Variants in VEPH1 observed in about 807,000 individuals in gnomAD.
The protein encoded by VEPH1 is ventricular zone expressed PH domain containing 1, also known as ventricular zone-expressed PH domain-containing protein homolog 1.
A neutral mutation model predicts 85.2 loss-of-function variants in VEPH1; 80 were observed. That is an observed-to-expected ratio of 0.94 (90% confidence interval 0.78 to 1.13). The LOEUF (loss-of-function observed/expected upper bound fraction) is 1.13, where lower values mean the gene tolerates loss of function less well. VEPH1 is among the 50% of genes most tolerant of loss of function. The pLI, the probability that VEPH1 is intolerant of heterozygous loss-of-function variation, is 0.00. For missense variants in VEPH1, 955 were observed against 980.5 expected (o/e 0.97, Z 0.35); for synonymous variants, 297 against 348.0 (o/e 0.85, Z 1.63).
At chr3:157,422,976 G>A (rs67121580) in intron 5 of VEPH1, among the ~76,000 whole-genome samples, 16,730 of 152,144 alleles carry the variant, frequency 0.11, 1,065 homozygotes, top group South Asian at 0.27. Context: ...CAAGGTCAAT[G>A]CCTGTCTCTT....
In VEPH1 at chr3:157,460,325, C is replaced by A. The variant is rs550229592; in HGVS notation, c.385G>T (p.Ala129Ser). The change falls in exon 4 of 14, where the codon GCC (alanine) becomes TCC (serine). Residue 129 changes from alanine to serine, a missense_variant. Coordinates refer to ENST00000362010, the MANE Select transcript of VEPH1 (RefSeq NM_001167912.2). ...AGGAATTTCACTGCAATGGGGATGGCTAATGCCATCACTGGGGGTCGGTTG... is the reference window on the plus strand; with the variant it reads ...AGGAATTTCACTGCAATGGGGATGGATAATGCCATCACTGGGGGTCGGTTG... ...NYNRPPVMALAIPIAVKFLHR... is the reference protein window; with the variant it reads ...NYNRPPVMALSIPIAVKFLHR... The A allele has an allele frequency of 1.2e-6, 2 of 1,613,494 alleles. No individual in the cohort carries two copies. Among genetic ancestry groups the A allele is most frequent in the African/African-American group, 1.3e-5 (1 of 75,022 alleles).
At chr3:157,377,851 C>T (rs765286325) in intron 7 of VEPH1, among the ~76,000 whole-genome samples, 5 of 152,110 alleles carry the variant, frequency 3.3e-5, no homozygotes, top group African/African-American at 4.8e-5. Context: ...CTAATACAGG[C>T]CTACTTATTA....
At chr3:157,407,796 C>T (rs1300162931) in intron 6 of VEPH1, among the ~76,000 whole-genome samples, 1 of 152,164 alleles carries the variant, frequency 6.6e-6, no homozygotes, top group Non-Finnish European at 1.5e-5. Flanking sequence ...AAAGTGCTGG[C>T]ATTTATCAAA....
chr3:157,467,111 G>C (rs1480866443), intron 3 of VEPH1, among the ~76,000 whole-genome samples: 1 of 127,886 alleles, frequency 7.8e-6, no homozygotes. Flanking sequence ...AAAAAGAAAA[G>C]TGTGTGTGTG....
intron 4 of VEPH1, chr3:157,437,808 A>G (rs539420341): frequency 1.4e-6 from 2 of 1,461,960 alleles, no homozygotes; most frequent in Admixed American, 2.8e-5. Flanking sequence ...CGCAGCGCCC[A>G]GAGGAGGCGG....
At chr3:157,351,849 C>A (rs1038811706) in intron 9 of VEPH1, among the ~76,000 whole-genome samples, 1 of 152,168 alleles carries the variant, frequency 6.6e-6, no homozygotes, top group African/African-American at 2.4e-5. Context: ...GCGGGCTGAC[C>A]TGCGCATTGT....
At chr3:157,478,881 A>G (rs1480512144) in intron 2 of VEPH1, among the ~76,000 whole-genome samples, 4 of 152,198 alleles carry the variant, frequency 2.6e-5, no homozygotes, top group African/African-American at 7.2e-5. Flanking sequence ...GCACTTTACT[A>G]CAAAGAGATT....
At chr3:157,410,666 C>A (rs543337556) in intron 6 of VEPH1, among the ~76,000 whole-genome samples, 1 of 152,202 alleles carries the variant, frequency 6.6e-6, no homozygotes, top group South Asian at 2.1e-4. Context: ...AACTTTCTTA[C>A]AGTAATATTT....
At chr3:157,495,082 G>T in intron 2 of VEPH1, 130 bp downstream of exon 2, 1 of 958,434 alleles carries the variant, frequency 1.0e-6, no homozygotes, top group Non-Finnish European at 1.5e-6. Flanking sequence ...CCACAGAGCA[G>T]ATTAAGAGAG....
chr3:157,331,767 A>G (rs371931998), intron 9 of VEPH1, among the ~76,000 whole-genome samples: 1 of 152,356 alleles, frequency 6.6e-6, no homozygotes, highest in East Asian at 1.9e-4. Flanking sequence ...TTGAATAACA[A>G]TGGTCTGTTC....
chr3:157,318,834 C>G (rs1191849803), intron 9 of VEPH1, among the ~76,000 whole-genome samples: 2 of 151,472 alleles, frequency 1.3e-5, no homozygotes, highest in African/African-American at 4.9e-5. Flanking sequence ...ATCCCTGAGC[C>G]CAGGAGTTCA....
intron 9 of VEPH1, among the ~76,000 whole-genome samples, chr3:157,359,874 G>A (rs754466874): frequency 5.9e-5 from 9 of 152,270 alleles, no homozygotes; most frequent in South Asian, 4.1e-4. Flanking sequence ...TGTTCCTAGC[G>A]TATGGACTTT....
intron 2 of VEPH1, among the ~76,000 whole-genome samples, chr3:157,478,071 T>C (rs1737658005): frequency 6.6e-6 from 1 of 152,128 alleles, no homozygotes; most frequent in African/African-American, 2.4e-5. Context: ...CTCTCAGCTG[T>C]TGGTTTGTAG....
rs1726386893 is a variant in VEPH1 at position 157,364,296 on chromosome 3, G to A, written c.1337+7C>T. 10 of 1,597,554 alleles carry A rather than the reference G, an allele frequency of 6.3e-6. No individual in the cohort carries two copies. The highest frequency in any genetic ancestry group is 5.4e-5 in the African/African-American group (4 of 74,440). ...ATGATTTAAAAAACAAACCAAACGA[G>A]TTATACCTGTTAAATCTAATGTTTT... On this transcript the variant is annotated splice_region_variant and intron_variant, in intron 8 of 13. Transcript: ENST00000362010.
Position 157,261,033 on chromosome 3 carries a change from A to G in VEPH1, c.*101T>C. 1 of 1,501,588 alleles carries G rather than the reference A, an allele frequency of 6.7e-7. No homozygotes were observed. Among genetic ancestry groups the G allele is most frequent in the Admixed American group, 2.0e-5 (1 of 48,918 alleles). The allele number at this position is 1,501,588 out of a possible 1,614,324, so 93.0% of individuals were successfully genotyped here. ...GACAACAATTCCATTGGTATTTAGT[A>G]AAAAACAACATGGCTTGGTAAATTT... On this transcript the variant is annotated 3_prime_UTR_variant, in exon 14 of 14. Coordinates refer to ENST00000362010, the MANE Select transcript of VEPH1 (RefSeq NM_001167912.2).
intron 9 of VEPH1, among the ~76,000 whole-genome samples, chr3:157,354,082 T>C (rs12637476): frequency 0.22 from 33,435 of 152,086 alleles, 4,527 homozygotes; most frequent in Admixed American, 0.42. Flanking sequence ...CTCTAGATGA[T>C]AATGTATCAC....
chr3:157,429,266 A>AT (rs906017201), intron 4 of VEPH1, among the ~76,000 whole-genome samples: 26 of 152,226 alleles, frequency 1.7e-4, no homozygotes, highest in Middle Eastern at 3.4e-3. Context: ...GTTTCTAGGG[A>AT]TTTTTTGAAC....
chr3:157,454,372 T>C (rs754851472), intron 4 of VEPH1, among the ~76,000 whole-genome samples: 3 of 152,162 alleles, frequency 2.0e-5, no homozygotes, highest in Non-Finnish European at 4.4e-5. Context: ...AGTTCAGACA[T>C]ACCTGGCAGA....
intron 3 of VEPH1, among the ~76,000 whole-genome samples, chr3:157,462,419 G>A (rs1215110570): frequency 6.6e-6 from 1 of 152,132 alleles, no homozygotes; most frequent in Non-Finnish European, 1.5e-5. Context: ...AACAACCTTT[G>A]TCTTAGGGTT....
Sources: allele counts gnomAD v4.1 joint callset (sites outside exome capture counted in the v4.1 genomes callset), GRCh38; gene constraint gnomAD v4.1.1; transcripts MANE v1.5; gene names NCBI Gene and HGNC (gene_info 2026-07-23, HGNC 2026-07-21).